The following HSD17B4 variants were observed in gnomAD, a reference collection of about 807,000 sequenced individuals.
HSD17B4 encodes the protein hydroxysteroid 17-beta dehydrogenase 4.
Under a neutral mutation model 101.0 loss-of-function variants are expected in HSD17B4, and 70 were observed. That is an observed-to-expected ratio of 0.69 (90% CI 0.57 to 0.85). HSD17B4 has a LOEUF of 0.85. HSD17B4 is among the 40% of genes least tolerant of loss of function. HSD17B4 has a pLI of 0.00. For synonymous variants in HSD17B4, 347 were observed against 297.1 expected, an observed-to-expected ratio of 1.17 and a Z score of -1.73; for missense variants, 984 against 892.4, an observed-to-expected ratio of 1.10 and a Z score of -1.31.
chr5:119,484,393 T>TA (rs749296118), intron 8 of HSD17B4, among the ~76,000 whole-genome samples: 8 of 152,168 alleles, frequency 5.3e-5, no homozygotes, highest in Non-Finnish European at 1.0e-4. Flanking sequence ...TCAGCAATAT[T>TA]ATGATGTTTT....
intron 17 of HSD17B4, among the ~76,000 whole-genome samples, chr5:119,524,074 T>G (rs1753358188): frequency 6.6e-6 from 1 of 152,164 alleles, no homozygotes; most frequent in Non-Finnish European, 1.5e-5. Context: ...AATTATCATT[T>G]ACTTCTCTTA....
intron 2 of HSD17B4, among the ~76,000 whole-genome samples, chr5:119,458,850 G>T (rs893073553): frequency 7.9e-5 from 12 of 151,962 alleles, no homozygotes; most frequent in Non-Finnish European, 1.6e-4. Context: ...TCTTAAGTAG[G>T]TTATTGGGAA....
chr5:119,466,196 A>G (rs1225203324), intron 2 of HSD17B4, among the ~76,000 whole-genome samples: 3 of 152,074 alleles, frequency 2.0e-5, no homozygotes, highest in Admixed American at 2.0e-4. Flanking sequence ...AATTGGATTC[A>G]GTTTGCTAGT....
intron 22 of HSD17B4, among the ~76,000 whole-genome samples, chr5:119,533,396 G>C (rs919899428): frequency 2.0e-5 from 3 of 151,750 alleles, no homozygotes; most frequent in African/African-American, 7.3e-5. Context: ...CAGAGTGAAA[G>C]GAAGACCTCA....
At chr5:119,493,652 T>A in intron 10 of HSD17B4, 166 bp from the exon 11 acceptor site, 1 of 633,876 alleles carries the variant, frequency 1.6e-6, no homozygotes, top group South Asian at 1.9e-5. Context: ...TCCTAGTGGG[T>A]TTGTTGGGAA....
At chr5:119,515,801 G>C (rs1244716284) in intron 17 of HSD17B4, among the ~76,000 whole-genome samples, 1 of 152,072 alleles carries the variant, frequency 6.6e-6, no homozygotes, top group Non-Finnish European at 1.5e-5. Context: ...GTTCAGAAAG[G>C]TCACTTTAAA....
At chr5:119,507,105 T>C (rs906425522) in intron 15 of HSD17B4, among the ~76,000 whole-genome samples, 15 of 152,182 alleles carry the variant, frequency 9.9e-5, no homozygotes, top group African/African-American at 3.4e-4. Context: ...AGGCATTTCA[T>C]TGGATTTAAG....
chr5:119,510,742 T>TTTG (rs941551299), intron 16 of HSD17B4, among the ~76,000 whole-genome samples: 28 of 152,234 alleles, frequency 1.8e-4, no homozygotes, highest in Non-Finnish European at 4.1e-4. Context: ...AACCCCTCCC[T>TTTG]TTGTTCTTCC....
intron 8 of HSD17B4, chr5:119,487,258 T>C (rs570922860): frequency 6.6e-6 from 1 of 151,062 alleles, no homozygotes; most frequent in African/African-American, 2.4e-5. Flanking sequence ...TTTTTTTTTT[T>C]CTGGTTGGAG....
chr5:119,491,685 A>G lies in HSD17B4; in HGVS notation c.715-415A>G, dbSNP rs79212076. Among the ~76,000 whole-genome samples, 616 of 152,206 alleles carry G rather than the reference A, an allele frequency of 4.0e-3. 1 individual carries two copies. The highest frequency in any genetic ancestry group is 0.014 in the African/African-American group (594 of 41,540). ...AGTAGGTCCTTCAAGAGGGACATTT[A>G]TTTGGATCTCATGATATGCTAGGCA... On this transcript the variant is annotated intron_variant, in intron 9 of 23. Transcript: ENST00000510025.
At chr5:119,517,191 C>T (rs544956060) in intron 17 of HSD17B4, among the ~76,000 whole-genome samples, 2 of 152,336 alleles carry the variant, frequency 1.3e-5, no homozygotes, top group South Asian at 4.1e-4. Flanking sequence ...GCGGGCCCGG[C>T]ACTCAGAGCA....
chr5:119,477,715 A>T, intron 7 of HSD17B4: 1 of 530,878 alleles, frequency 1.9e-6, no homozygotes, highest in South Asian at 2.5e-5. Context: ...TTTATTTTTT[A>T]CCTCTTTTTG....
intron 22 of HSD17B4, 28 bp downstream of exon 22, chr5:119,531,432 T>C (rs757761403): frequency 6.3e-7 from 1 of 1,597,744 alleles, no homozygotes; most frequent in South Asian, 1.1e-5. Flanking sequence ...TTTTATAATA[T>C]TCTAAGGTAA....
At chr5:119,468,458 G>A (rs1756031773) in intron 2 of HSD17B4, among the ~76,000 whole-genome samples, 1 of 151,580 alleles carries the variant, frequency 6.6e-6, no homozygotes, top group African/African-American at 2.4e-5. Context: ...TTCTCTCCTG[G>A]CTTGTAATGT....
chr5:119,490,918 C>T (rs1750047120), intron 9 of HSD17B4, among the ~76,000 whole-genome samples: 1 of 152,136 alleles, frequency 6.6e-6, no homozygotes. Context: ...GATAATGCTG[C>T]AGATGAAGTT....
At chr5:119,503,608 G>A (rs940019127) in intron 14 of HSD17B4, among the ~76,000 whole-genome samples, 12 of 152,132 alleles carry the variant, frequency 7.9e-5, no homozygotes, top group African/African-American at 2.9e-4. Flanking sequence ...CAAGCATCAG[G>A]AGACTGATAA....
chr5:119,517,489 G>C (rs1322122584), intron 17 of HSD17B4, among the ~76,000 whole-genome samples: 1 of 152,208 alleles, frequency 6.6e-6, no homozygotes, highest in African/African-American at 2.4e-5. Context: ...TGAGGAGTGC[G>C]AGCGTACCGC....
intron 1 of HSD17B4, 76 bp downstream of exon 1, chr5:119,452,709 C>G (rs774720634): frequency 1.2e-6 from 2 of 1,607,164 alleles, no homozygotes; most frequent in Admixed American, 1.7e-5. Context: ...GGCATACGCG[C>G]GCAGCCGCAG....
Position 119,509,164 on chromosome 5 carries a change from C to T in HSD17B4, c.1357C>T (p.Leu453Phe), listed in dbSNP as rs372898042. ...AGTCTATTCTTATTCTGAGAAGGAA[C>T]TTATATGCCACAATCAGTTCTCTCT... ...MDVYSYSEKE[L>F]ICHNQFSLFL... Residue 453 changes from leucine to phenylalanine, a missense_variant, in exon 16 of 24, where the codon CTT becomes TTT. Leu to Phe is a conservative substitution (Grantham distance 22). Transcript: ENST00000510025. The T allele has an allele frequency of 6.8e-5, 108 of 1,596,562 alleles. No homozygotes were observed. Among genetic ancestry groups the T allele is most frequent in the Non-Finnish European group, 8.8e-5 (103 of 1,164,272 alleles).
Sources: gnomAD v4.1 joint callset for allele counts (sites outside exome capture counted in the v4.1 genomes callset) on GRCh38, gnomAD v4.1.1 for gene constraint, MANE v1.5 for transcripts, NCBI Gene and HGNC (gene_info 2026-07-23, HGNC 2026-07-21) for gene names.